SLC24A2: variants seen among roughly 807,000 people sequenced by gnomAD.
SLC24A2 encodes the protein sodium/potassium/calcium exchanger 2.
In SLC24A2, 36 loss-of-function variants were observed where a neutral mutation model predicts 62.0. That is an observed-to-expected ratio of 0.58 (90% CI 0.44 to 0.77). The LOEUF is 0.77. SLC24A2 is among the 30% of genes least tolerant of loss of function. SLC24A2 has a pLI of 0.00. For synonymous variants in SLC24A2, 358 were observed against 294.0 expected (o/e 1.22, Z -2.23); for missense variants, 846 against 817.9 (o/e 1.03, Z -0.42).
intron 10 of SLC24A2, among the ~76,000 whole-genome samples, chr9:19,518,338 C>T (rs1381411956): frequency 1.3e-5 from 2 of 151,994 alleles, no homozygotes; most frequent in Non-Finnish European, 2.9e-5. Context: ...TAATTTCAAT[C>T]ATGTGAAATA....
intron 7 of SLC24A2, among the ~76,000 whole-genome samples, chr9:19,563,869 C>A (rs1195860615): frequency 7.9e-6 from 1 of 127,036 alleles, no homozygotes; most frequent in Non-Finnish European, 1.6e-5. Flanking sequence ...TCCCTCCTTT[C>A]CTTTCGATGG....
the SLC24A2 span, among the ~76,000 whole-genome samples, chr9:19,949,070 T>C: frequency 6.6e-6 from 1 of 152,006 alleles, no homozygotes; most frequent in Non-Finnish European, 1.5e-5. Flanking sequence ...CTCAGCTCAC[T>C]GCAACCTCTG....
chr9:20,217,565 T>C, the SLC24A2 span, among the ~76,000 whole-genome samples: 11 of 152,174 alleles, frequency 7.2e-5, no homozygotes, highest in South Asian at 8.3e-4. Context: ...TAAAAAAAGC[T>C]TGGGGGTCCC....
intron 2 of SLC24A2, among the ~76,000 whole-genome samples, chr9:19,720,687 C>CA (rs376740006): frequency 6.3e-5 from 4 of 63,460 alleles, no homozygotes; most frequent in East Asian, 7.7e-4. Flanking sequence ...ATTACAATGA[C>CA]AACCCCCCCC....
At chr9:20,079,054 C>A in the SLC24A2 span, among the ~76,000 whole-genome samples, 1 of 143,228 alleles carries the variant, frequency 7.0e-6, no homozygotes, top group Non-Finnish European at 1.6e-5. Context: ...TAATTAAGAA[C>A]CTTGAGATAA....
At chr9:20,164,367 A>G in the SLC24A2 span, among the ~76,000 whole-genome samples, 8 of 152,190 alleles carry the variant, frequency 5.3e-5, no homozygotes, top group African/African-American at 7.2e-5. Context: ...ATGCAGCGAA[A>G]AAAACACATG....
rs1309819854 is a variant in SLC24A2, at chr9:19,513,785, A to G, written c.*2368T>C. 6.6e-6 allele frequency: 1 copy of G among 152,188 alleles called. No homozygotes were observed. Among genetic ancestry groups the G allele is most frequent in the East Asian group, 1.9e-4 (1 of 5,196 alleles). The allele number at this position is 152,188 out of a possible 1,614,324, so 9.4% of individuals were successfully genotyped here. On this transcript the variant is annotated 3_prime_UTR_variant, in exon 11 of 11. Coordinates refer to ENST00000341998, the MANE Select transcript of SLC24A2 (RefSeq NM_020344.4). ...CAGTCAATAATATAAAATTCACACAATAACCAACTTGGTTGCCCTTCAAGA... is the reference window on the plus strand; with the variant it reads ...CAGTCAATAATATAAAATTCACACAGTAACCAACTTGGTTGCCCTTCAAGA...
the SLC24A2 span, among the ~76,000 whole-genome samples, chr9:20,164,841 G>A: frequency 6.6e-6 from 1 of 151,616 alleles, no homozygotes; most frequent in African/African-American, 2.4e-5. Context: ...TTAGGGACAT[G>A]GATGAAATTG....
chr9:20,028,259 A>G, the SLC24A2 span, among the ~76,000 whole-genome samples: 1 of 152,134 alleles, frequency 6.6e-6, no homozygotes, highest in East Asian at 1.9e-4. Flanking sequence ...CCTGCAACAC[A>G]CAAGGGGATT....
At chr9:19,939,119 G>A in the SLC24A2 span, among the ~76,000 whole-genome samples, 3 of 152,326 alleles carry the variant, frequency 2.0e-5, no homozygotes, top group South Asian at 2.1e-4. Flanking sequence ...CTTGTTTCTG[G>A]ATTCTAGTGT....
chr9:19,513,592 T>C lies in SLC24A2; in HGVS notation c.*2561A>G, dbSNP rs1832813813. On this transcript the variant is annotated 3_prime_UTR_variant, in exon 11 of 11. Coordinates refer to ENST00000341998, the MANE Select transcript of SLC24A2 (RefSeq NM_020344.4). ...ACAAGCAAAGGGCACCATAGCTGCT[T>C]TGATCAGCCTTCACTGTAAGCTGGG... 1 of 152,042 alleles carries C rather than the reference T, an allele frequency of 6.6e-6. No homozygotes were observed. The highest frequency in any genetic ancestry group is 2.4e-5 in the African/African-American group (1 of 41,394). The allele number at this position is 152,042 out of a possible 1,614,324, so 9.4% of individuals were successfully genotyped here.
chr9:20,148,569 G>A, the SLC24A2 span, among the ~76,000 whole-genome samples: 5 of 152,168 alleles, frequency 3.3e-5, no homozygotes, highest in East Asian at 3.9e-4. Context: ...ATTTAAGTGC[G>A]CAAATAAATG....
chr9:20,209,209 G>C, the SLC24A2 span, among the ~76,000 whole-genome samples: 1 of 152,294 alleles, frequency 6.6e-6, no homozygotes, highest in East Asian at 1.9e-4. Context: ...AATCAGTCAG[G>C]CTTCAAGACC....
chr9:20,290,687 A>G, the SLC24A2 span, among the ~76,000 whole-genome samples: 2 of 152,308 alleles, frequency 1.3e-5, no homozygotes, highest in African/African-American at 4.8e-5. Flanking sequence ...TTTTGATGCT[A>G]CAGAGAGCTG....
chr9:20,288,978 T>G, the SLC24A2 span, among the ~76,000 whole-genome samples: 1 of 151,958 alleles, frequency 6.6e-6, no homozygotes, highest in East Asian at 1.9e-4. Flanking sequence ...GACAAGTCCC[T>G]GAGTCAGAGC....
chr9:19,994,383 A>G, the SLC24A2 span, among the ~76,000 whole-genome samples: 1 of 152,198 alleles, frequency 6.6e-6, no homozygotes, highest in South Asian at 2.1e-4. Context: ...TTCTGTGGGC[A>G]AGAGTCCTGA....
At chr9:20,274,833 G>T in the SLC24A2 span, among the ~76,000 whole-genome samples, 2 of 151,910 alleles carry the variant, frequency 1.3e-5, no homozygotes, top group Admixed American at 6.6e-5. Context: ...TCTCTGCACT[G>T]TGGGATGAGC....
chr9:20,010,781 C>A, the SLC24A2 span, among the ~76,000 whole-genome samples: 2 of 132,128 alleles, frequency 1.5e-5, no homozygotes, highest in African/African-American at 5.5e-5. Context: ...CATGACAGGC[C>A]CTGGTGTGTG....
the SLC24A2 span, among the ~76,000 whole-genome samples, chr9:20,096,381 T>C: frequency 2.9e-4 from 44 of 152,314 alleles, no homozygotes; most frequent in Admixed American, 3.3e-4. Flanking sequence ...TTTAGTCTCC[T>C]ATAGGGACAC....
Sources: gnomAD v4.1 joint callset for allele counts (sites outside exome capture counted in the v4.1 genomes callset) on GRCh38, gnomAD v4.1.1 for gene constraint, MANE v1.5 for transcripts, NCBI Gene and HGNC (gene_info 2026-07-23, HGNC 2026-07-21) for gene names.